The following TRPS1 variants were observed in gnomAD, a reference collection of about 807,000 sequenced individuals.
The protein encoded by TRPS1 is transcriptional repressor GATA binding 1.
Under a neutral mutation model 101.2 loss-of-function variants are expected in TRPS1, and 6 were observed. That is an observed-to-expected ratio of 0.06 (90% CI 0.03 to 0.12). TRPS1 has a LOEUF of 0.12. Ranked by LOEUF, TRPS1 falls within the 10% of genes least tolerant of loss-of-function variation. TRPS1 has a pLI of 1.00. For missense variants in TRPS1, 1,363 were observed against 1,567.0 expected (o/e 0.87, Z 2.20); for synonymous variants, 578 against 589.8 (o/e 0.98, Z 0.29).
Position 115,455,847 on chromosome 8 carries a change from T to C in TRPS1, c.2701-37395A>G, listed in dbSNP as rs35672077. 2.7e-3 allele frequency among the ~76,000 whole-genome samples: 395 copies of C among 148,178 alleles called. 1 individual carries two copies. The highest frequency in any genetic ancestry group is 3.5e-3 in the Non-Finnish European group (233 of 67,250). On this transcript the variant is annotated intron_variant, in intron 5 of 6. Coordinates refer to ENST00000395715, the MANE Select transcript of TRPS1 (RefSeq NM_014112.5). ...TCGCCCAGGCTGGAGTGCAGTGGTG[T>C]GATCTCAGCTCACTGCAAGCTCCAC...
chr8:115,588,697 A>G (rs1479195943), intron 4 of TRPS1, among the ~76,000 whole-genome samples: 2 of 152,244 alleles, frequency 1.3e-5, no homozygotes, highest in Non-Finnish European at 2.9e-5. Flanking sequence ...AATATCAGGG[A>G]AACACTTTCT....
intron 5 of TRPS1, among the ~76,000 whole-genome samples, chr8:115,420,800 T>C (rs140103168): frequency 6.6e-6 from 1 of 152,180 alleles, no homozygotes; most frequent in East Asian, 1.9e-4. Context: ...ATTTTAAATA[T>C]ATCAGGAGTA....
intron 5 of TRPS1, among the ~76,000 whole-genome samples, chr8:115,430,648 T>C (rs909262938): frequency 6.6e-6 from 1 of 152,110 alleles, no homozygotes; most frequent in Non-Finnish European, 1.5e-5. Flanking sequence ...AGTCCCTGCT[T>C]GTCTGAGCTA....
chr8:115,517,138 C>A (rs917997942), intron 5 of TRPS1, among the ~76,000 whole-genome samples: 1 of 151,708 alleles, frequency 6.6e-6, no homozygotes, highest in East Asian at 1.9e-4. Flanking sequence ...ATATTCCTAA[C>A]AAATTGTTTT....
At chr8:115,553,775 G>T (rs1170214991) in intron 5 of TRPS1, among the ~76,000 whole-genome samples, 6 of 152,076 alleles carry the variant, frequency 3.9e-5, no homozygotes, top group African/African-American at 1.2e-4. Flanking sequence ...TAGCATAGAG[G>T]TAAATAAATT....
At chr8:115,621,487 T>G (rs545799139) in intron 2 of TRPS1, among the ~76,000 whole-genome samples, 1 of 152,350 alleles carries the variant, frequency 6.6e-6, no homozygotes, top group African/African-American at 2.4e-5. Flanking sequence ...GTACCTTTGC[T>G]TCTGAAAAGC....
chr8:115,461,280 G>C (rs1241391997), intron 5 of TRPS1, among the ~76,000 whole-genome samples: 13 of 85,420 alleles, frequency 1.5e-4, no homozygotes, highest in South Asian at 4.0e-4. Context: ...TAGATAGATA[G>C]ATAGATAGAT....
chr8:115,426,089 C>G (rs1187912085), intron 5 of TRPS1, among the ~76,000 whole-genome samples: 2 of 152,084 alleles, frequency 1.3e-5, no homozygotes, highest in African/African-American at 2.4e-5. Flanking sequence ...TTTTTGCCAT[C>G]CTGTATGTGT....
chr8:115,587,037 T>C lies in TRPS1; in HGVS notation c.2664A>G (p.Glu888=), dbSNP rs1266244690. ...ALPQQYPASG[E]NKSKDESQSL... is the part of the protein sequence containing the mutation. ...ACTGGGATTCATCCTTGGACTTGTT[T>C]TCTCCCGATGCAGGATACTGCTGGG... The change falls in exon 5 of 7, where the codon GAA becomes GAG. Residue 888 remains glutamate (E), a synonymous_variant. Coordinates refer to ENST00000395715, the MANE Select transcript of TRPS1 (RefSeq NM_014112.5). 17 of 1,614,078 alleles carry C rather than the reference T, an allele frequency of 1.1e-5. No homozygotes were observed. The highest frequency in any genetic ancestry group is 4.0e-5 in the African/African-American group (3 of 74,944).
chr8:115,650,116 G>A (rs1216502960), intron 1 of TRPS1, among the ~76,000 whole-genome samples: 1 of 152,124 alleles, frequency 6.6e-6, no homozygotes, highest in Non-Finnish European at 1.5e-5. Context: ...TTTCAGTTGT[G>A]GAAAAGTACA....
chr8:115,645,738 T>C (rs1363108720), intron 1 of TRPS1, among the ~76,000 whole-genome samples: 1 of 152,142 alleles, frequency 6.6e-6, no homozygotes, highest in African/African-American at 2.4e-5. Flanking sequence ...CACATGTCAT[T>C]AAAGGCCCAA....
intron 5 of TRPS1, among the ~76,000 whole-genome samples, chr8:115,422,265 TGTC>T (rs914071763): frequency 6.6e-4 from 101 of 152,350 alleles, no homozygotes; most frequent in African/African-American, 2.3e-3. Context: ...CCCTTTTAAA[TGTC>T]GTCCATTCAG....
chr8:115,425,092 G>A (rs1041712695), intron 5 of TRPS1, among the ~76,000 whole-genome samples: 4 of 152,096 alleles, frequency 2.6e-5, no homozygotes, highest in Non-Finnish European at 1.5e-5. Context: ...TAGATTAATA[G>A]CCAGACTCTT....
chr8:115,633,344 G>A (rs1586478239), intron 1 of TRPS1, among the ~76,000 whole-genome samples: 1 of 152,248 alleles, frequency 6.6e-6, no homozygotes, highest in South Asian at 2.1e-4. Context: ...AAACAGAAGA[G>A]AGGATAAGAA....
In TRPS1 at chr8:115,604,092, T is replaced by C. The variant is rs765016882; in HGVS notation, c.1877A>G (p.Lys626Arg). The stretch of plus-strand genomic sequence containing the variant: ...GAATGAACACTGATGGCACTGATGT[T>C]TGACTCGCGAGCTTCCAGCCGCCCC... The part of the protein sequence containing the change: ...SPGAAGSSRV[K>R]HQCHQCSFTT... Residue 626 changes from lysine (K) to arginine (R), a missense_variant, in exon 4 of 7, where the codon AAA becomes AGA. Physicochemically the swap from Lys to Arg is conservative, Grantham distance 26 (BLOSUM62 2). Transcript: ENST00000395715. This position sits in a 1 kb window ranked among gnomAD's most constrained non-coding sequence, Gnocchi z 4.1. 1.2e-6 allele frequency: 2 copies of C among 1,614,066 alleles called. No homozygotes were observed. The highest frequency in any genetic ancestry group is 1.7e-6 in the Non-Finnish European group (2 of 1,179,996).
chr8:115,550,477 T>C (rs1816677763), intron 5 of TRPS1, among the ~76,000 whole-genome samples: 1 of 152,208 alleles, frequency 6.6e-6, no homozygotes, highest in African/African-American at 2.4e-5. Flanking sequence ...AGTGGCTAAA[T>C]CTTAAGGATA....
At chr8:115,485,711 A>G (rs546051204) in intron 5 of TRPS1, among the ~76,000 whole-genome samples, 1 of 152,352 alleles carries the variant, frequency 6.6e-6, no homozygotes, top group South Asian at 2.1e-4. Context: ...AAAGGCACAG[A>G]TATAGGAAAC....
At chr8:115,668,028 A>C in intron 1 of TRPS1, 2 of 796,084 alleles carry the variant, frequency 2.5e-6, no homozygotes, top group Non-Finnish European at 4.0e-6. Context: ...AGAAAGAGAC[A>C]GCGAGGGGGA....
At chr8:115,616,334 G>A (rs972695699) in intron 3 of TRPS1, among the ~76,000 whole-genome samples, 11 of 152,142 alleles carry the variant, frequency 7.2e-5, no homozygotes, top group Non-Finnish European at 1.3e-4. Flanking sequence ...ATTCCTCCAA[G>A]TATATTTGAA....
Sources: gnomAD v4.1 joint callset for allele counts (sites outside exome capture counted in the v4.1 genomes callset) on GRCh38, gnomAD v4.1.1 for gene constraint, Gnocchi (gnomAD v3.1) non-coding constraint, MANE v1.5 for transcripts, NCBI Gene and HGNC (gene_info 2026-07-23, HGNC 2026-07-21) for gene names.